The following SLC8A2 variants were observed in gnomAD, a reference collection of about 807,000 sequenced individuals.
SLC8A2 encodes sodium/calcium exchanger 2.
In SLC8A2, 14 loss-of-function variants were observed where a neutral mutation model predicts 70.2. The observed-to-expected ratio is 0.20, with a 90% confidence interval of 0.13 to 0.31. The LOEUF is 0.31. SLC8A2 is among the 10% of genes least tolerant of loss of function. SLC8A2 has a pLI of 1.00. For missense variants in SLC8A2, 779 were observed against 1,320.1 expected, an observed-to-expected ratio of 0.59 and a Z score of 6.35; for synonymous variants, 575 against 594.3, an observed-to-expected ratio of 0.97 and a Z score of 0.47.
chr19:47,471,460 G>T (rs1484207977), intron 1 of SLC8A2, among the ~76,000 whole-genome samples: 2 of 149,202 alleles, frequency 1.3e-5, no homozygotes, highest in Non-Finnish European at 3.0e-5. Context: ...ACAGAAAGAT[G>T]AGACCCAGAC....
intron 3 of SLC8A2, among the ~76,000 whole-genome samples, chr19:47,453,258 A>C (rs1336825322): frequency 6.6e-6 from 1 of 152,240 alleles, no homozygotes; most frequent in Non-Finnish European, 1.5e-5. Flanking sequence ...ACTTATTTCC[A>C]TAAGTCAGAA....
intron 2 of SLC8A2, among the ~76,000 whole-genome samples, chr19:47,462,238 ATTTC>A (rs376522183): frequency 2.6e-5 from 4 of 152,034 alleles, no homozygotes; most frequent in South Asian, 2.1e-4. Context: ...TGTTTTATGT[ATTTC>A]TTTCTTTTTC....
chr19:47,456,281 G>A (rs1294670187), intron 3 of SLC8A2, among the ~76,000 whole-genome samples: 1 of 152,224 alleles, frequency 6.6e-6, no homozygotes, highest in Non-Finnish European at 1.5e-5. Context: ...TGCACTGAAT[G>A]CCTGGAGGCA....
intron 6 of SLC8A2, among the ~76,000 whole-genome samples, chr19:47,440,057 A>C (rs1318981972): frequency 6.6e-6 from 1 of 152,118 alleles, no homozygotes; most frequent in Non-Finnish European, 1.5e-5. Context: ...ACAATCTTTA[A>C]TCTAACTCTA....
Position 47,441,176 on chromosome 19 carries a change from G to A in SLC8A2, c.1878C>T (p.Leu626=), listed in dbSNP as rs766125654. ...AGAGGTGACTTCACTCACCTTGATTGAGTAGCAGAGCTGGGGAGAGACAGA... is the reference window on the plus strand; with the variant it reads ...AGAGGTGACTTCACTCACCTTGATTAAGTAGCAGAGCTGGGGAGAGACAGA... ...WLKRGISALL[L]NQGDGDRKLT... The change falls in exon 6 of 10, where the codon CTC becomes CTT. Residue 626 remains leucine, a synonymous_variant. Coordinates refer to ENST00000236877, the MANE Select transcript of SLC8A2 (RefSeq NM_015063.3). The A allele has an allele frequency of 6.2e-7, 1 of 1,613,960 alleles. No individual in the cohort carries two copies. The highest frequency in any genetic ancestry group is 1.7e-5 in the Admixed American group (1 of 60,010).
rs1170667196 is a variant in SLC8A2, at chr19:47,430,202, G to A, written c.2653C>T (p.Leu885=). 2 of 1,604,374 alleles carry A rather than the reference G, an allele frequency of 1.2e-6. No individual in the cohort carries two copies. The highest frequency in any genetic ancestry group is 4.5e-5 in the East Asian group (2 of 44,444). Reference sequence around the variant, plus strand: ...AGCTTGGGTCCGCGCGGGCCGCCCAGCTCGCCGCCGATGTGCGGCCGGCGC... The same window carrying A: ...AGCTTGGGTCCGCGCGGGCCGCCCAACTCGCCGCCGATGTGCGGCCGGCGC... ...YRRRPHIGGE[L]GGPRGPKLAT... Residue 885 remains leucine (L), a synonymous_variant, in exon 10 of 10, where the codon CTG becomes TTG. Coordinates refer to ENST00000236877, the MANE Select transcript of SLC8A2 (RefSeq NM_015063.3). This position sits in a 1 kb window ranked among gnomAD's most constrained non-coding sequence, Gnocchi z 5.9.
Position 47,448,296 on chromosome 19 carries a change from G to A in SLC8A2, c.1341-65C>T. ...CGGTCATCGGCTGTGTGTTGTACGG[G>A]GGGAGTCTGGACGTGCTTCCCAGAG... On this transcript the variant is annotated intron_variant, in intron 3 of 9. Coordinates refer to ENST00000236877, the MANE Select transcript of SLC8A2 (RefSeq NM_015063.3). This position sits in a 1 kb window ranked among gnomAD's most constrained non-coding sequence, Gnocchi z 4.8. The A allele has an allele frequency of 1.6e-6, 2 of 1,290,248 alleles. No individual in the cohort carries two copies. The highest frequency in any genetic ancestry group is 2.2e-6 in the Non-Finnish European group (2 of 929,046). The allele number at this position is 1,290,248 out of a possible 1,614,324, so 79.9% of individuals were successfully genotyped here.
Position 47,466,357 on chromosome 19 carries a change from G to T in SLC8A2, c.47C>A (p.Pro16His), listed in dbSNP as rs1967461088. ...TGGGGTGGCTGCCCCGGAGCATGGG[G>T]GAGCCGCCAGGAGGAGTGTGACCCC... ...LVGVTLLLAA[P>H]PCSGAATPTP... The change falls in exon 2 of 10, where the codon CCC (proline) becomes CAC (histidine). Residue 16 changes from proline (P) to histidine (H), a missense_variant. This residue lies in a region of SLC8A2 where 65 missense variants were observed against 61.3 expected (regional missense o/e 1.06). Coordinates refer to ENST00000236877, the MANE Select transcript of SLC8A2 (RefSeq NM_015063.3). The surrounding 1 kb of genome is among the most constrained non-coding windows in gnomAD (Gnocchi z 6.9). The T allele has an allele frequency of 6.9e-7, 1 of 1,447,880 alleles. No individual in the cohort carries two copies. The allele number at this position is 1,447,880 out of a possible 1,614,324, so 89.7% of individuals were successfully genotyped here.
intron 3 of SLC8A2, among the ~76,000 whole-genome samples, chr19:47,452,425 AGAGAGAGAGAGAGAGAGAGAGT>A (rs1442190420): frequency 9.4e-4 from 112 of 118,954 alleles, no homozygotes; most frequent in African/African-American, 3.2e-3. Context: ...AGAGAGAGAG[AGAGAGAGAGAGAGAGAGAGAGT>A]GTGTGTGTGT....
Position 47,448,304 on chromosome 19 carries a change from T to A in SLC8A2, c.1341-73A>T. The A allele has an allele frequency of 2.5e-6, 3 of 1,186,134 alleles. No homozygotes were observed. The highest frequency in any genetic ancestry group is 3.6e-6 in the Non-Finnish European group (3 of 840,572). The allele number at this position is 1,186,134 out of a possible 1,614,324, so 73.5% of individuals were successfully genotyped here. ...GGCTGTGTGTTGTACGGGGGGAGTCTGGACGTGCTTCCCAGAGGAGACGTA... is the reference window on the plus strand; with the variant it reads ...GGCTGTGTGTTGTACGGGGGGAGTCAGGACGTGCTTCCCAGAGGAGACGTA... On this transcript the variant is annotated intron_variant, in intron 3 of 9. Transcript: ENST00000236877. This position sits in a 1 kb window ranked among gnomAD's most constrained non-coding sequence, Gnocchi z 4.8.
intron 8 of SLC8A2, 109 bp downstream of exon 8, chr19:47,437,353 G>C (rs980526881): frequency 1.2e-6 from 1 of 808,564 alleles, no homozygotes; most frequent in Non-Finnish European, 2.1e-6. Context: ...ATGAGCCACC[G>C]CGCCCGGCCT....
rs556316644 is a variant in SLC8A2, at chr19:47,437,887, G to A, written c.1972C>T (p.Arg658Trp). Residue 658 changes from arginine (R) to tryptophan (W), a missense_variant, in exon 7 of 10, where the codon CGG becomes TGG. Transcript: ENST00000236877. ...GACTCCTCGATGATGACCTCCAGCCGGCAGTTCTCCCCAAGAACTGGCTTG... is the reference window on the plus strand; with the variant it reads ...GACTCCTCGATGATGACCTCCAGCCAGCAGTTCTCCCCAAGAACTGGCTTG... ...MGKPVLGENC[R>W]LEVIIEESYD... is the part of the protein sequence containing the mutation. 2.5e-6 allele frequency: 4 copies of A among 1,614,002 alleles called. No individual in the cohort carries two copies. The highest frequency in any genetic ancestry group is 2.2e-5 in the East Asian group (1 of 44,874).
rs1450156748 is a variant in SLC8A2 at position 47,432,397 on chromosome 19, G to A, written c.2159C>T (p.Ser720Leu). Residue 720 changes from serine (S) to leucine (L), a missense_variant, in exon 9 of 10, where the codon TCG becomes TTG. Ser to Leu is a moderately radical substitution (Grantham distance 145). Around this residue, in one of 6 missense-constraint regions of SLC8A2, gnomAD observed 247 missense variants for 362.8 expected, o/e 0.68. Transcript: ENST00000236877. The surrounding 1 kb of genome is among the most constrained non-coding windows in gnomAD (Gnocchi z 6.2). ...GAAGTGCATCACGTAGTCAAAGCACGACGGCAGCCGCTCCTCCCGGGACCC... is the reference window on the plus strand; with the variant it reads ...GAAGTGCATCACGTAGTCAAAGCACAACGGCAGCCGCTCCTCCCGGGACCC... ...EDGSREERLP[S>L]CFDYVMHFLT... The A allele has an allele frequency of 1.2e-6, 2 of 1,611,470 alleles. No homozygotes were observed. The highest frequency in any genetic ancestry group is 1.7e-6 in the Non-Finnish European group (2 of 1,178,688).
At chr19:47,443,858 G>A (rs1275243022) in intron 4 of SLC8A2, among the ~76,000 whole-genome samples, 3 of 151,902 alleles carry the variant, frequency 2.0e-5, no homozygotes, top group Non-Finnish European at 4.4e-5. Context: ...CTCTGACTCT[G>A]ACTCTCTCCG....
At chr19:47,467,955 G>A (rs926919224) in intron 1 of SLC8A2, among the ~76,000 whole-genome samples, 8 of 151,424 alleles carry the variant, frequency 5.3e-5, no homozygotes, top group South Asian at 2.1e-4. Context: ...GCAGTGAGCC[G>A]AGATCATGTC....
At position 47,465,933 on chromosome 19, in the gene SLC8A2, C is replaced by G; in HGVS notation, c.471G>C (p.Ala157=). Residue 157 remains alanine, a synonymous_variant, in exon 2 of 10, where the codon GCG becomes GCC. Transcript: ENST00000236877. This position sits in a 1 kb window ranked among gnomAD's most constrained non-coding sequence, Gnocchi z 5.5. The part of the protein sequence containing the change: ...VIEVCGHNFQ[A]GELGPGTIVG... The stretch of plus-strand genomic sequence containing the variant: ...CGATGGTGCCTGGGCCCAGCTCACC[C>G]GCCTGGAAGTTGTGGCCGCAGACTT... The G allele has an allele frequency of 6.2e-7, 1 of 1,614,136 alleles. No individual in the cohort carries two copies. Among genetic ancestry groups the G allele is most frequent in the East Asian group, 2.2e-5 (1 of 44,886 alleles).
chr19:47,458,385 T>C (rs1279931589), intron 2 of SLC8A2, among the ~76,000 whole-genome samples: 2 of 148,918 alleles, frequency 1.3e-5, no homozygotes, highest in Non-Finnish European at 3.0e-5. Flanking sequence ...CCCACCTCTT[T>C]CTGTCTCTCT....
Position 47,447,606 on chromosome 19 carries a change from G to A in SLC8A2, c.1763+203C>T. 10 of 538,552 alleles carry A rather than the reference G, an allele frequency of 1.9e-5. No homozygotes were observed. The highest frequency in any genetic ancestry group is 3.2e-5 in the Non-Finnish European group (10 of 313,082). 33.4% of individuals were successfully genotyped at this position (538,552 alleles called of 1,614,324 possible). A position where few individuals can be genotyped will look rare whatever the true frequency, so the allele number is the denominator to read the frequency against. On this transcript the variant is annotated intron_variant, in intron 4 of 9. Transcript: ENST00000236877. The surrounding 1 kb of genome is among the most constrained non-coding windows in gnomAD (Gnocchi z 5.1). ...CCTCCTGAGGGCCCAGCTGTTCAGT[G>A]AAGCCCCGCCCACGTCGTGGGCATG...
At chr19:47,452,166 G>A (rs1052257676) in intron 3 of SLC8A2, among the ~76,000 whole-genome samples, 1 of 152,032 alleles carries the variant, frequency 6.6e-6, no homozygotes, top group East Asian at 1.9e-4. Context: ...TAGGCATGAA[G>A]GTCATGGTAT....
Sources: gnomAD v4.1 joint callset for allele counts (sites outside exome capture counted in the v4.1 genomes callset) on GRCh38, gnomAD v4.1.1 for gene constraint, gnomAD v4.1.1 regional missense constraint, Gnocchi (gnomAD v3.1) non-coding constraint, MANE v1.5 for transcripts, NCBI Gene and HGNC (gene_info 2026-07-23, HGNC 2026-07-21) for gene names.